The following PDE3A variants were observed in gnomAD, a reference collection of about 807,000 sequenced individuals.
PDE3A encodes phosphodiesterase 3A.
PDE3A carries 43 observed loss-of-function variants against 98.3 expected under a neutral mutation model. The ratio of observed to expected loss-of-function variants is 0.44; its 90% CI spans 0.34 to 0.56. The LOEUF (loss-of-function observed/expected upper bound fraction) is 0.56, where lower values mean the gene tolerates loss of function less well. PDE3A is among the 20% of genes least tolerant of loss of function. The probability of loss-of-function intolerance (pLI) is 0.01; values close to 1 mark genes in which losing one functional copy is unlikely to be tolerated. For missense variants in PDE3A, 1,427 were observed against 1,440.7 expected (o/e 0.99, Z 0.15); for synonymous variants, 663 against 567.9 (o/e 1.17, Z -2.38).
intron 1 of PDE3A, among the ~76,000 whole-genome samples, chr12:20,418,887 C>T (rs1944466611): frequency 6.6e-6 from 1 of 151,876 alleles, no homozygotes; most frequent in South Asian, 2.1e-4. Context: ...GTAGAAATTA[C>T]TTCTATGCTT....
At chr12:20,406,683 C>G (rs977721778) in intron 1 of PDE3A, among the ~76,000 whole-genome samples, 1 of 152,036 alleles carries the variant, frequency 6.6e-6, no homozygotes. Context: ...TGATCACTTC[C>G]TTTGTTGTGG....
At chr12:20,454,465 T>A (rs186612261) in intron 1 of PDE3A, among the ~76,000 whole-genome samples, 248 of 152,300 alleles carry the variant, frequency 1.6e-3, no homozygotes, top group Middle Eastern at 3.4e-3. Flanking sequence ...GGGCTTTGTT[T>A]GTTGTTTGTT....
chr12:20,681,311 A>G lies in PDE3A; in HGVS notation c.*1040A>G, dbSNP rs1945777617. On this transcript the variant is annotated 3_prime_UTR_variant, in exon 16 of 16. Transcript: ENST00000359062. The stretch of plus-strand genomic sequence containing the variant: ...TGGCATTCTTTATACCTAAACACCT[A>G]AGAGCTGAAGTCAGGTCTTTTAATC... 2.0e-5 allele frequency: 3 copies of G among 152,322 alleles called. No individual in the cohort carries two copies. Among genetic ancestry groups the G allele is most frequent in the South Asian group, 4.1e-4 (2 of 4,826 alleles). The allele number at this position is 152,322 out of a possible 1,614,324, so 9.4% of individuals were successfully genotyped here.
intron 1 of PDE3A, among the ~76,000 whole-genome samples, chr12:20,509,531 T>G (rs7308219): frequency 0.29 from 43,863 of 151,938 alleles, 7,308 homozygotes; most frequent in East Asian, 0.6. Flanking sequence ...TAAAGTTTTT[T>G]TTCAGTAAAA....
chr12:20,384,583 T>G (rs1943717118), intron 1 of PDE3A, among the ~76,000 whole-genome samples: 1 of 151,982 alleles, frequency 6.6e-6, no homozygotes. Context: ...AGGTTTGCTA[T>G]GTAGGTAAAC....
chr12:20,462,473 G>C (rs562136225), intron 1 of PDE3A, among the ~76,000 whole-genome samples: 42 of 152,188 alleles, frequency 2.8e-4, no homozygotes, highest in African/African-American at 9.9e-4. Context: ...CCTGGTCAAC[G>C]AGCAAGACTT....
chr12:20,534,964 A>G (rs1592029449), intron 1 of PDE3A, among the ~76,000 whole-genome samples: 1 of 152,316 alleles, frequency 6.6e-6, no homozygotes, highest in Non-Finnish European at 1.5e-5. Context: ...AATAGGTATG[A>G]ACTTTAATAA....
At chr12:20,463,727 T>A (rs1269807815) in intron 1 of PDE3A, among the ~76,000 whole-genome samples, 1 of 152,182 alleles carries the variant, frequency 6.6e-6, no homozygotes, top group Non-Finnish European at 1.5e-5. Flanking sequence ...CATTTTCTAC[T>A]TACAAAAGTA....
chr12:20,507,914 A>G (rs1946148219), intron 1 of PDE3A, among the ~76,000 whole-genome samples: 1 of 152,046 alleles, frequency 6.6e-6, no homozygotes, highest in African/African-American at 2.4e-5. Flanking sequence ...TTCACAACAT[A>G]AATTAGCCCG....
In PDE3A at chr12:20,687,947, G is replaced by T. The variant is rs1946023310; in HGVS notation, c.*7676G>T. On this transcript the variant is annotated 3_prime_UTR_variant, in exon 16 of 16. Transcript: ENST00000359062. ...AAAAAAAAAAAAAAAACTGGCATTG[G>T]CAAGTTTTAATTAATATGGCCCAAA... Among the ~76,000 whole-genome samples the T allele has an allele frequency of 7.2e-6, 1 of 139,210 alleles. No homozygotes were observed. 91.3% of individuals were successfully genotyped at this position (139,210 alleles called of 152,430 possible).
intron 1 of PDE3A, among the ~76,000 whole-genome samples, chr12:20,455,408 G>T (rs1945137292): frequency 6.6e-6 from 1 of 152,028 alleles, no homozygotes. Flanking sequence ...TCTGTAGATT[G>T]TCTGTTTACT....
intron 5 of PDE3A, among the ~76,000 whole-genome samples, chr12:20,628,222 C>A (rs1447931218): frequency 1.3e-5 from 2 of 152,046 alleles, no homozygotes; most frequent in Admixed American, 6.6e-5. Context: ...AAACTTATAA[C>A]CCACTTGCTG....
At chr12:20,410,263 T>C (rs1944309439) in intron 1 of PDE3A, among the ~76,000 whole-genome samples, 1 of 152,214 alleles carries the variant, frequency 6.6e-6, no homozygotes, top group South Asian at 2.1e-4. Flanking sequence ...TTGTCTTGGC[T>C]GCACTCAATT....
At chr12:20,668,475 G>T (rs1387907471) in intron 15 of PDE3A, among the ~76,000 whole-genome samples, 1 of 151,986 alleles carries the variant, frequency 6.6e-6, no homozygotes, top group African/African-American at 2.4e-5. Flanking sequence ...GAGAGCAGTG[G>T]TTCTCCCAGC....
At chr12:20,556,890 C>A in intron 2 of PDE3A, 180 bp downstream of exon 2, 1 of 643,990 alleles carries the variant, frequency 1.6e-6, no homozygotes. Flanking sequence ...AAGGCAGATG[C>A]CAGGATATTC....
intron 2 of PDE3A, among the ~76,000 whole-genome samples, chr12:20,574,406 A>G (rs1362979135): frequency 1.3e-5 from 2 of 152,132 alleles, no homozygotes; most frequent in Non-Finnish European, 2.9e-5. Flanking sequence ...CAAGTCCACC[A>G]CTGAATGTAT....
At chr12:20,517,760 G>C (rs1269822655) in intron 1 of PDE3A, among the ~76,000 whole-genome samples, 1 of 152,098 alleles carries the variant, frequency 6.6e-6, no homozygotes, top group African/African-American at 2.4e-5. Context: ...ATGTCATGTG[G>C]GGCCATTTTC....
intron 15 of PDE3A, among the ~76,000 whole-genome samples, chr12:20,671,363 T>A (rs948009376): frequency 6.6e-6 from 1 of 152,076 alleles, no homozygotes; most frequent in African/African-American, 2.4e-5. Flanking sequence ...GCTAGCATCA[T>A]CCTGATACCG....
intron 1 of PDE3A, among the ~76,000 whole-genome samples, chr12:20,384,725 C>T (rs1269980113): frequency 6.6e-6 from 1 of 151,916 alleles, no homozygotes; most frequent in Non-Finnish European, 1.5e-5. Flanking sequence ...TGTTCCCCTC[C>T]CCATGTCCAT....
Sources: allele counts gnomAD v4.1 joint callset (sites outside exome capture counted in the v4.1 genomes callset), GRCh38; gene constraint gnomAD v4.1.1; transcripts MANE v1.5; gene names NCBI Gene and HGNC (gene_info 2026-07-23, HGNC 2026-07-21).